TMEFF1: variants seen among roughly 807,000 people sequenced by gnomAD.
TMEFF1 encodes tomoregulin-1.
In TMEFF1, 20 loss-of-function variants were observed where a neutral mutation model predicts 47.5. The ratio of observed to expected loss-of-function variants is 0.42; its 90% CI spans 0.30 to 0.61. The LOEUF is 0.61. TMEFF1 is among the 20% of genes least tolerant of loss of function. The pLI is 0.19. For missense variants in TMEFF1, 411 were observed against 471.1 expected (o/e 0.87, Z 1.18); for synonymous variants, 162 against 166.3 (o/e 0.97, Z 0.20).
At chr9:100,573,503 C>T (rs561398323) in intron 9 of TMEFF1, among the ~76,000 whole-genome samples, 1 of 152,262 alleles carries the variant, frequency 6.6e-6, no homozygotes, top group East Asian at 1.9e-4. Flanking sequence ...CCAGCAAGTT[C>T]GTGTTGTCTT....
Position 100,473,600 on chromosome 9 carries a change from CCTT to C in TMEFF1, c.59_61del (p.Phe20del). On this transcript the variant is annotated inframe_deletion, in exon 1 of 10. Coordinates refer to ENST00000374879, the MANE Select transcript of TMEFF1 (RefSeq NM_003692.5). The surrounding 1 kb of genome is among the most constrained non-coding windows in gnomAD (Gnocchi z 5.4). ...CGGCTGCCTGCCGCGCCTCCGCTCGCCTTCTGCTGCTACACGTCGGTGCTTCTG... is the reference window on the plus strand; with the variant it reads ...CGGCTGCCTGCCGCGCCTCCGCTCGCCTGCTGCTACACGTCGGTGCTTCTG... 6.4e-7 allele frequency: 1 copy of C among 1,556,860 alleles called. No individual in the cohort carries two copies. The highest frequency in any genetic ancestry group is 8.7e-7 in the Non-Finnish European group (1 of 1,152,514).
intron 1 of TMEFF1, among the ~76,000 whole-genome samples, chr9:100,486,450 C>T (rs1380306121): frequency 1.3e-5 from 2 of 151,990 alleles, no homozygotes; most frequent in Admixed American, 6.6e-5. Context: ...CCATATTGGC[C>T]AGGCTGGTCT....
chr9:100,487,518 GT>G (rs1358607328), intron 1 of TMEFF1, among the ~76,000 whole-genome samples: 1 of 152,104 alleles, frequency 6.6e-6, no homozygotes, highest in African/African-American at 2.4e-5. Context: ...GTACACTTGT[GT>G]TTACCATTGT....
chr9:100,476,210 G>A (rs188168497), intron 1 of TMEFF1, among the ~76,000 whole-genome samples: 73 of 152,184 alleles, frequency 4.8e-4, no homozygotes, highest in African/African-American at 1.6e-3. Context: ...GATTCTTATT[G>A]TAACTTTTTA....
At chr9:100,532,480 T>G (rs958699822) in intron 5 of TMEFF1, among the ~76,000 whole-genome samples, 95 of 152,016 alleles carry the variant, frequency 6.2e-4, no homozygotes, top group Admixed American at 2.4e-3. Context: ...AAAAAACACA[T>G]GAAAAAATGC....
At chr9:100,563,417 A>C (rs1351534416) in intron 8 of TMEFF1, among the ~76,000 whole-genome samples, 1 of 152,232 alleles carries the variant, frequency 6.6e-6, no homozygotes, top group Non-Finnish European at 1.5e-5. Flanking sequence ...TAATGATGTG[A>C]TACAAGGTCA....
At position 100,493,369 on chromosome 9, in the gene TMEFF1, A is replaced by G. The variant is rs553510913; in HGVS notation, c.197-5396A>G. ...CAAAACTACCTTTCTTTTTAACGGA[A>G]GGGTGGTAGAAAAGTCGTATCATTC... On this transcript the variant is annotated intron_variant, in intron 1 of 9. Coordinates refer to ENST00000374879, the MANE Select transcript of TMEFF1 (RefSeq NM_003692.5). Among the ~76,000 whole-genome samples, 4 of 152,314 alleles carry G rather than the reference A, an allele frequency of 2.6e-5. No individual in the cohort carries two copies. In the East Asian group the frequency reaches 7.7e-4, roughly 29 times the overall value.
intron 8 of TMEFF1, among the ~76,000 whole-genome samples, chr9:100,571,273 T>TATAG (rs1344239607): frequency 6.6e-6 from 1 of 152,188 alleles, no homozygotes; most frequent in Non-Finnish European, 1.5e-5. Flanking sequence ...TAACACTAAA[T>TATAG]ATAGAAAAGC....
At chr9:100,502,512 A>G (rs989308497) in intron 2 of TMEFF1, among the ~76,000 whole-genome samples, 1 of 151,954 alleles carries the variant, frequency 6.6e-6, no homozygotes, top group African/African-American at 2.4e-5. Context: ...GGTGTGCATC[A>G]CCACACCTGG....
chr9:100,551,394 CT>C (rs1021865162), intron 7 of TMEFF1, among the ~76,000 whole-genome samples: 6 of 152,156 alleles, frequency 3.9e-5, no homozygotes, highest in African/African-American at 1.4e-4. Context: ...TGAAATATGT[CT>C]CCTATGTTGA....
At chr9:100,522,430 C>CTTCTT (rs1838178870) in intron 5 of TMEFF1, among the ~76,000 whole-genome samples, 1 of 69,650 alleles carries the variant, frequency 1.4e-5, no homozygotes, top group Admixed American at 2.3e-4. Flanking sequence ...GAAATATCTT[C>CTTCTT]TTTTTTTTTT....
chr9:100,513,796 G>T (rs1276562356), intron 4 of TMEFF1, among the ~76,000 whole-genome samples: 1 of 152,088 alleles, frequency 6.6e-6, no homozygotes, highest in Non-Finnish European at 1.5e-5. Context: ...TTGCTCATCA[G>T]GAATTTTCAT....
rs200457933 is a variant in TMEFF1, at chr9:100,550,150, A to C, written c.765A>C (p.Pro255=). 1 of 1,612,358 alleles carries C rather than the reference A, an allele frequency of 6.2e-7. No homozygotes were observed. Among genetic ancestry groups the C allele is most frequent in the Admixed American group, 1.7e-5 (1 of 59,800 alleles). ...AAGATGATGGACTACAATATCGACC[A>C]GATGTGAAAGGTACTGAATCATGCA... ...GKKDDGLQYR[P]DVKDASDQRE... Residue 255 remains proline, a synonymous_variant, in exon 7 of 10, where the codon CCA becomes CCC. Coordinates refer to ENST00000374879, the MANE Select transcript of TMEFF1 (RefSeq NM_003692.5).
chr9:100,502,535 A>AT (rs898316144), intron 2 of TMEFF1, among the ~76,000 whole-genome samples: 3 of 151,238 alleles, frequency 2.0e-5, no homozygotes, highest in African/African-American at 4.9e-5. Context: ...GATTAAAAAA[A>AT]TTTTTTTTTG....
intron 7 of TMEFF1, among the ~76,000 whole-genome samples, chr9:100,552,076 A>G (rs193026582): frequency 2.6e-5 from 4 of 152,310 alleles, no homozygotes; most frequent in Middle Eastern, 3.4e-3. Context: ...GCTGGAGAAT[A>G]GGAGGCTTAA....
chr9:100,485,871 A>C (rs1175721353), intron 1 of TMEFF1, among the ~76,000 whole-genome samples: 1 of 152,230 alleles, frequency 6.6e-6, no homozygotes, highest in Non-Finnish European at 1.5e-5. Context: ...CTTTGCTACT[A>C]TTCAAATTCA....
chr9:100,501,641 T>A (rs1015546460), intron 2 of TMEFF1, among the ~76,000 whole-genome samples: 4 of 152,056 alleles, frequency 2.6e-5, no homozygotes, highest in East Asian at 3.8e-4. Context: ...TTATTTATTT[T>A]TATTTATTTA....
chr9:100,544,813 G>A (rs1225205862), intron 5 of TMEFF1, among the ~76,000 whole-genome samples: 5 of 152,260 alleles, frequency 3.3e-5, no homozygotes. Context: ...CATTGGGTAA[G>A]TACAGCCATT....
At chr9:100,554,331 T>A (rs533463007) in intron 7 of TMEFF1, among the ~76,000 whole-genome samples, 149 of 152,254 alleles carry the variant, frequency 9.8e-4, no homozygotes, top group Non-Finnish European at 1.7e-3. Context: ...GAGAATGTCA[T>A]GGAGCTTGGT....
Sources: gnomAD v4.1 joint callset for allele counts (sites outside exome capture counted in the v4.1 genomes callset) on GRCh38, gnomAD v4.1.1 for gene constraint, Gnocchi (gnomAD v3.1) non-coding constraint, MANE v1.5 for transcripts, NCBI Gene and HGNC (gene_info 2026-07-23, HGNC 2026-07-21) for gene names.